Variants in PCDH15 observed in about 807,000 individuals in gnomAD.
The protein encoded by PCDH15 is protocadherin-15.
In PCDH15, 129 loss-of-function variants were observed where a neutral mutation model predicts 178.5. That is an observed-to-expected ratio of 0.72 (90% CI 0.63 to 0.84). The LOEUF (loss-of-function observed/expected upper bound fraction) is 0.84, where lower values mean the gene tolerates loss of function less well. Ranked by LOEUF, PCDH15 falls within the 40% of genes least tolerant of loss-of-function variation. PCDH15 has a pLI of 0.00. For missense variants in PCDH15, 2,230 were observed against 2,099.9 expected (o/e 1.06, Z -1.21); for synonymous variants, 800 against 732.0 (o/e 1.09, Z -1.50).
At chr10:55,436,909 G>C (rs761393258) in intron 2 of PCDH15, among the ~76,000 whole-genome samples, 20 of 152,070 alleles carry the variant, frequency 1.3e-4, no homozygotes, top group Non-Finnish European at 1.9e-4. Context: ...ACTTCATAAA[G>C]GGTTATCTTC....
At chr10:55,494,714 C>T (rs1840493955) in intron 2 of PCDH15, among the ~76,000 whole-genome samples, 1 of 151,750 alleles carries the variant, frequency 6.6e-6, no homozygotes, top group Non-Finnish European at 1.5e-5. Context: ...TCCTGGATAA[C>T]TCTACTCCAT....
At chr10:54,493,415 A>T (rs1266267850) in intron 3 of PCDH15, among the ~76,000 whole-genome samples, 1 of 152,150 alleles carries the variant, frequency 6.6e-6, no homozygotes, top group African/African-American at 2.4e-5. Context: ...ATTTTCACTG[A>T]ACACAGATAT....
Position 53,857,250 on chromosome 10 carries a change from T to C in PCDH15, c.3731A>G (p.Asn1244Ser), listed in dbSNP as rs1264819441. The C allele has an allele frequency of 1.2e-6, 2 of 1,611,258 alleles. No individual in the cohort carries two copies. The highest frequency in any genetic ancestry group is 1.7e-6 in the Non-Finnish European group (2 of 1,177,838). The change falls in exon 28 of 38, where the codon AAT becomes AGT. Residue 1244 changes from asparagine (N) to serine (S), a missense_variant. Coordinates refer to ENST00000644397, the MANE Select transcript of PCDH15 (RefSeq NM_001384140.1). ...AACAATGACTTGCATATCCAGCTGATTGACCACGGAGACCTGAAAGAAGAA... is the reference window on the plus strand; with the variant it reads ...AACAATGACTTGCATATCCAGCTGACTGACCACGGAGACCTGAAAGAAGAA... ...GKADVLVSVVNQLDMQVIVSN... is the reference protein window; with the variant it reads ...GKADVLVSVVSQLDMQVIVSN...
intron 2 of PCDH15, among the ~76,000 whole-genome samples, chr10:54,661,228 A>C (rs1412323098): frequency 6.6e-6 from 1 of 152,072 alleles, no homozygotes; most frequent in African/African-American, 2.4e-5. Flanking sequence ...CTTGAAAATC[A>C]GTTTCATTTA....
chr10:55,602,675 G>A (rs1265417623), intron 2 of PCDH15, among the ~76,000 whole-genome samples: 1 of 152,108 alleles, frequency 6.6e-6, no homozygotes, highest in Non-Finnish European at 1.5e-5. Context: ...GCAGCTGAGG[G>A]TCCTGTCTGT....
chr10:53,979,462 G>C (rs1210042335), intron 21 of PCDH15, among the ~76,000 whole-genome samples: 2 of 152,128 alleles, frequency 1.3e-5, no homozygotes, highest in African/African-American at 4.8e-5. Context: ...ATTTGGGTGA[G>C]GACACAGCAA....
At chr10:55,537,131 A>G (rs539140445) in intron 2 of PCDH15, among the ~76,000 whole-genome samples, 2 of 152,298 alleles carry the variant, frequency 1.3e-5, no homozygotes, top group East Asian at 3.9e-4. Flanking sequence ...GAGACTAAAA[A>G]TTATTAATGC....
intron 2 of PCDH15, among the ~76,000 whole-genome samples, chr10:55,333,207 A>G (rs1454486107): frequency 6.6e-6 from 1 of 152,174 alleles, no homozygotes; most frequent in African/African-American, 2.4e-5. Context: ...GTGATTACCA[A>G]TGCAAGTACC....
intron 2 of PCDH15, among the ~76,000 whole-genome samples, chr10:55,429,697 T>C (rs1035944448): frequency 6.6e-6 from 1 of 152,346 alleles, no homozygotes; most frequent in African/African-American, 2.4e-5. Context: ...AGAAGCATTT[T>C]ACTTATGATA....
intron 18 of PCDH15, among the ~76,000 whole-genome samples, chr10:54,025,623 T>C (rs373621969): frequency 3.3e-5 from 5 of 151,856 alleles, no homozygotes; most frequent in African/African-American, 1.2e-4. Flanking sequence ...CTCAGCCTCC[T>C]GAGTAGCTGG....
intron 1 of PCDH15, among the ~76,000 whole-genome samples, chr10:54,748,475 A>AT (rs1025433997): frequency 3.9e-5 from 6 of 152,256 alleles, no homozygotes; most frequent in East Asian, 3.9e-4. Context: ...TGTTAAAATG[A>AT]TTTTTTTGAA....
intron 6 of PCDH15, among the ~76,000 whole-genome samples, chr10:54,334,876 T>G (rs1940732172): frequency 6.6e-6 from 1 of 152,190 alleles, no homozygotes; most frequent in African/African-American, 2.4e-5. Context: ...GTATCTTCCC[T>G]TATCTTTGTG....
At chr10:54,794,184 C>G (rs1328007077) in intron 1 of PCDH15, among the ~76,000 whole-genome samples, 1 of 148,930 alleles carries the variant, frequency 6.7e-6, no homozygotes, top group Non-Finnish European at 1.5e-5. Flanking sequence ...AAAATGGCAA[C>G]TATTTACTAA....
chr10:54,057,483 T>C (rs1590162789), intron 18 of PCDH15, among the ~76,000 whole-genome samples: 1 of 152,342 alleles, frequency 6.6e-6, no homozygotes, highest in East Asian at 1.9e-4. Context: ...TGGCCTGAGC[T>C]ATACCTTGGC....
intron 1 of PCDH15, among the ~76,000 whole-genome samples, chr10:54,737,934 G>A (rs1266150566): frequency 6.6e-5 from 10 of 152,052 alleles, no homozygotes; most frequent in African/African-American, 2.4e-4. Flanking sequence ...GAACTGCATT[G>A]CATGTTTACT....
At chr10:54,093,949 TA>T (rs2094647878) in intron 15 of PCDH15, among the ~76,000 whole-genome samples, 1 of 152,186 alleles carries the variant, frequency 6.6e-6, no homozygotes, top group Non-Finnish European at 1.5e-5. Flanking sequence ...TTTATGTGCT[TA>T]TTTTTGATAA....
chr10:54,476,499 T>G (rs1005342073), intron 3 of PCDH15, among the ~76,000 whole-genome samples: 2 of 152,112 alleles, frequency 1.3e-5, no homozygotes, highest in African/African-American at 4.8e-5. Context: ...GGTAATAAGG[T>G]AAATTATTTG....
chr10:54,425,726 T>C (rs1188116347), intron 3 of PCDH15, among the ~76,000 whole-genome samples: 1 of 152,182 alleles, frequency 6.6e-6, no homozygotes, highest in Admixed American at 6.5e-5. Flanking sequence ...GCAGAGAGTT[T>C]AAACCAAGTC....
At chr10:54,665,240 C>G (rs569600832) in intron 1 of PCDH15, among the ~76,000 whole-genome samples, 1 of 152,038 alleles carries the variant, frequency 6.6e-6, no homozygotes, top group East Asian at 1.9e-4. Context: ...CCAGCTGGTG[C>G]TCAACTTCTG....
Sources: gnomAD v4.1 joint callset for allele counts (sites outside exome capture counted in the v4.1 genomes callset) on GRCh38, gnomAD v4.1.1 for gene constraint, MANE v1.5 for transcripts, NCBI Gene and HGNC (gene_info 2026-07-23, HGNC 2026-07-21) for gene names.